EXD2: variants seen among roughly 807,000 people sequenced by gnomAD.
EXD2 encodes exonuclease 3'-5' domain-containing protein 2.
Under a neutral mutation model 62.5 loss-of-function variants are expected in EXD2, and 40 were observed. That is an observed-to-expected ratio of 0.64 (90% CI 0.50 to 0.83). The LOEUF is 0.83. Among genes scored for constraint, EXD2 ranks in the 40% least tolerant of loss-of-function variants. The pLI, the probability that EXD2 is intolerant of heterozygous loss-of-function variation, is 0.00. For missense variants in EXD2, 671 were observed against 761.8 expected (o/e 0.88, Z 1.40); for synonymous variants, 239 against 291.9 (o/e 0.82, Z 1.85).
chr14:69,199,183 G>T (rs2042306476), intron 1 of EXD2, among the ~76,000 whole-genome samples: 1 of 152,234 alleles, frequency 6.6e-6, no homozygotes, highest in African/African-American at 2.4e-5. Context: ...GGCAGAGTTT[G>T]CAGTGAGCCG....
chr14:69,207,276 T>TTGAG (rs2042634954), intron 2 of EXD2, among the ~76,000 whole-genome samples: 1 of 151,966 alleles, frequency 6.6e-6, no homozygotes, highest in African/African-American at 2.4e-5. Context: ...GGTGAATCAC[T>TTGAG]TGAGGTCAGG....
At chr14:69,200,549 CA>C (rs913692163) in intron 1 of EXD2, among the ~76,000 whole-genome samples, 15 of 146,580 alleles carry the variant, frequency 1.0e-4, no homozygotes, top group Admixed American at 4.8e-4. Flanking sequence ...AAAAATAATA[CA>C]AAAAAAAAAT....
In EXD2 at chr14:69,234,998, A is replaced by C; in HGVS notation, c.1016A>C (p.Lys339Thr). 1 of 1,606,128 alleles carries C rather than the reference A, an allele frequency of 6.2e-7. No homozygotes were observed. The highest frequency in any genetic ancestry group is 8.5e-7 in the Non-Finnish European group (1 of 1,177,130). ...CAAGGGAGAGACCCCAGAAAACATAAAAGAAAGCCTCTGGGGGTGGGCTAT... is the reference window on the plus strand; with the variant it reads ...CAAGGGAGAGACCCCAGAAAACATACAAGAAAGCCTCTGGGGGTGGGCTAT... ...NHQGRDPRKH[K>T]RKPLGVGYSA... The change falls in exon 6 of 10, where the codon AAA becomes ACA. Residue 339 changes from lysine to threonine, a missense_variant. By Grantham distance (78) the Lys-to-Thr change is moderately conservative (BLOSUM62 -1). Coordinates refer to ENST00000685843, the MANE Select transcript of EXD2 (RefSeq NM_001193360.2).
In EXD2 at chr14:69,221,478, G is replaced by C. The variant is rs189158536; in HGVS notation, c.334-7338G>C. Among the ~76,000 whole-genome samples the C allele has an allele frequency of 1.8e-3, 272 of 151,718 alleles. 2 individuals are homozygous for C. Among genetic ancestry groups the C allele is most frequent in the Middle Eastern group, 3.4e-3 (1 of 292 alleles). The stretch of plus-strand genomic sequence containing the variant: ...TATCTTTAAAATTTTTTAATTATTG[G>C]CATAAACCAAGTGTAGTGGCTCATG... On this transcript the variant is annotated intron_variant, in intron 3 of 9. Coordinates refer to ENST00000685843, the MANE Select transcript of EXD2 (RefSeq NM_001193360.2).
chr14:69,229,939 A>G (rs1566836544), intron 4 of EXD2, among the ~76,000 whole-genome samples: 3 of 152,210 alleles, frequency 2.0e-5, no homozygotes, highest in African/African-American at 4.8e-5. Context: ...TAAAGATCTT[A>G]TAAGTGAAGT....
In EXD2 at chr14:69,235,074, G is replaced by C. The variant is rs780349133; in HGVS notation, c.1049+43G>C. The C allele has an allele frequency of 3.3e-6, 5 of 1,503,056 alleles. No homozygotes were observed. In the South Asian group the frequency reaches 6.9e-5, roughly 21 times the overall value. 93.1% of individuals were successfully genotyped at this position (1,503,056 alleles called of 1,614,324 possible). ...TGTCTAGTAAAGAGTCAGTGGCCCA[G>C]CCTTAGCAAAGGGTTTGATGCTTCC... On this transcript the variant is annotated intron_variant, in intron 6 of 9. Coordinates refer to ENST00000685843, the MANE Select transcript of EXD2 (RefSeq NM_001193360.2).
rs1335950427 is a variant in EXD2, at chr14:69,236,860, C to G, written c.1292+318C>G. Among the ~76,000 whole-genome samples the G allele has an allele frequency of 2.0e-5, 3 of 152,350 alleles. No individual in the cohort carries two copies. The East Asian group carries it at 5.8e-4, about 29-fold the overall frequency. ...AGAAGCTGTGTCCCTCTCATCCTCTCTTGACTGGCTGACCAGCTTTTTGAG... is the reference window on the plus strand; with the variant it reads ...AGAAGCTGTGTCCCTCTCATCCTCTGTTGACTGGCTGACCAGCTTTTTGAG... On this transcript the variant is annotated intron_variant, in intron 8 of 9. Transcript: ENST00000685843.
At chr14:69,215,298 ATGTGTGTGTGTG>A (rs61469385) in intron 3 of EXD2, among the ~76,000 whole-genome samples, 3 of 102,094 alleles carry the variant, frequency 2.9e-5, no homozygotes, top group Non-Finnish European at 7.0e-5. Flanking sequence ...TCAAAAATAT[ATGTGTGTGTGTG>A]TGTGTGTGTG....
chr14:69,211,419 A>G (rs1257771637), intron 3 of EXD2, among the ~76,000 whole-genome samples: 1 of 150,164 alleles, frequency 6.7e-6, no homozygotes, highest in Non-Finnish European at 1.5e-5. Context: ...AGGAAATGTA[A>G]TTAAAAGAGT....
chr14:69,213,266 T>A (rs2042878490), intron 3 of EXD2, among the ~76,000 whole-genome samples: 1 of 151,706 alleles, frequency 6.6e-6, no homozygotes, highest in South Asian at 2.1e-4. Context: ...AGGATTTTGC[T>A]GTGTTGCCCA....
intron 3 of EXD2, among the ~76,000 whole-genome samples, chr14:69,214,294 TG>T (rs2042920631): frequency 6.6e-6 from 1 of 152,218 alleles, no homozygotes; most frequent in Non-Finnish European, 1.5e-5. Context: ...GAAAAATATC[TG>T]GATAATAGGA....
intron 2 of EXD2, among the ~76,000 whole-genome samples, chr14:69,205,607 CTTTG>C (rs1271079337): frequency 1.3e-5 from 2 of 151,930 alleles, no homozygotes; most frequent in Non-Finnish European, 2.9e-5. Context: ...GTATGGAAAT[CTTTG>C]TTTGATGGCT....
intron 3 of EXD2, among the ~76,000 whole-genome samples, chr14:69,213,005 C>T (rs568289583): frequency 6.6e-6 from 1 of 151,906 alleles, no homozygotes; most frequent in South Asian, 2.1e-4. Context: ...GCAACCGTGC[C>T]TGGCCTATGT....
At position 69,204,888 on chromosome 14, in the gene EXD2, C is replaced by G. The variant is rs140517371; in HGVS notation, c.-48+888C>G. On this transcript the variant is annotated intron_variant, in intron 2 of 9. Coordinates refer to ENST00000685843, the MANE Select transcript of EXD2 (RefSeq NM_001193360.2). ...TCAGTAAATATTTACTGAGTATCAT[C>G]AGCTCCCTGCTAGTCACTGGGGATA... is the stretch of plus-strand genomic sequence containing the variant. Among the ~76,000 whole-genome samples the G allele has an allele frequency of 1.8e-3, 280 of 152,304 alleles. 1 individual carries two copies. Among genetic ancestry groups the G allele is most frequent in the African/African-American group, 6.4e-3 (265 of 41,570 alleles).
chr14:69,236,218 G>C, intron 7 of EXD2, 66 bp downstream of exon 7: 1 of 1,524,492 alleles, frequency 6.6e-7, no homozygotes, highest in Non-Finnish European at 9.1e-7. Context: ...GGAGTGGGGA[G>C]TGAGATAAGG....
chr14:69,206,467 T>TCG (rs1566819629), intron 2 of EXD2, among the ~76,000 whole-genome samples: 13 of 119,742 alleles, frequency 1.1e-4, no homozygotes, highest in African/African-American at 3.1e-4. Context: ...TTTTTTTTTT[T>TCG]TTTTTTTTTT....
chr14:69,238,881 T>C (rs1163063638), intron 9 of EXD2, among the ~76,000 whole-genome samples: 1 of 152,198 alleles, frequency 6.6e-6, no homozygotes, highest in Non-Finnish European at 1.5e-5. Context: ...GCAATCCACC[T>C]GCCTTGGAAG....
intron 1 of EXD2, among the ~76,000 whole-genome samples, chr14:69,201,672 GTTTTTT>G (rs71102634): frequency 3.4e-5 from 2 of 58,992 alleles, no homozygotes; most frequent in African/African-American, 6.8e-5. Flanking sequence ...TGTTTTCTCT[GTTTTTT>G]TTTTTTTTTT....
chr14:69,207,223 G>A (rs1209297371), intron 2 of EXD2, among the ~76,000 whole-genome samples: 1 of 152,054 alleles, frequency 6.6e-6, no homozygotes, highest in East Asian at 1.9e-4. Context: ...GCCCAGTGCA[G>A]TGGCTCACAC....
Sources: gnomAD v4.1 joint callset for allele counts (sites outside exome capture counted in the v4.1 genomes callset) on GRCh38, gnomAD v4.1.1 for gene constraint, MANE v1.5 for transcripts, NCBI Gene and HGNC (gene_info 2026-07-23, HGNC 2026-07-21) for gene names.